ZNF112: variants seen among roughly 807,000 people sequenced by gnomAD.
ZNF112 encodes the protein zinc finger protein 112 (Y14).
A neutral mutation model predicts 77.7 loss-of-function variants in ZNF112; 37 were observed. That is an observed-to-expected ratio of 0.48 (90% CI 0.37 to 0.63). The LOEUF (loss-of-function observed/expected upper bound fraction) is 0.63. Ranked by LOEUF, ZNF112 falls within the 20% of genes least tolerant of loss-of-function variation. The pLI, the probability that ZNF112 is intolerant of heterozygous loss-of-function variation, is 0.00. For missense variants in ZNF112, 950 were observed against 1,077.4 expected, an observed-to-expected ratio of 0.88 and a Z score of 1.66; for synonymous variants, 333 against 363.6, an observed-to-expected ratio of 0.92 and a Z score of 0.96.
At chr19:44,336,432 G>A (rs962867576) in intron 3 of ZNF112, among the ~76,000 whole-genome samples, 191 bp downstream of exon 3, 2 of 152,198 alleles carry the variant, frequency 1.3e-5, no homozygotes, top group Non-Finnish European at 2.9e-5. Flanking sequence ...ACAATGGTAG[G>A]TGAATATGGA....
In ZNF112 at chr19:44,326,732, G is replaced by A. The variant is rs969762463; in HGVS notation, c.*701C>T. The A allele has an allele frequency of 2.0e-5, 3 of 152,084 alleles. No homozygotes were observed. The highest frequency in any genetic ancestry group is 4.4e-5 in the Non-Finnish European group (3 of 68,012). 9.4% of individuals were successfully genotyped at this position (152,084 alleles called of 1,614,324 possible). A position where few individuals can be genotyped will look rare whatever the true frequency, so the allele number is the denominator to read the frequency against. ...GAAACATTGTTTATCAGTTTGTACT[G>A]ATATTTCAAGTGCACACATGGGTAC... On this transcript the variant is annotated 3_prime_UTR_variant, in exon 4 of 4. Transcript: ENST00000354340.
upstream of ZNF112, among the ~76,000 whole-genome samples, chr19:44,361,432 T>C (rs1054202905): frequency 1.3e-5 from 2 of 152,280 alleles, no homozygotes; most frequent in Non-Finnish European, 2.9e-5. Context: ...CAACAAACTG[T>C]GGTGCATCAA....
upstream of ZNF112, among the ~76,000 whole-genome samples, chr19:44,359,416 C>T (rs1305707505): frequency 2.8e-5 from 4 of 142,338 alleles, no homozygotes; most frequent in African/African-American, 7.8e-5. Context: ...CTCTGCCTCT[C>T]GGCTTCAAGC....
At chr19:44,361,378 G>A (rs1300167665), upstream of ZNF112, among the ~76,000 whole-genome samples, 1 of 152,044 alleles carries the variant, frequency 6.6e-6, no homozygotes, top group Non-Finnish European at 1.5e-5. Flanking sequence ...ACACTTTTCT[G>A]AATGTGAGTG....
chr19:44,364,842 G>T (rs1289121755), intron 1 of ZNF112, among the ~76,000 whole-genome samples: 2 of 152,086 alleles, frequency 1.3e-5, no homozygotes, highest in African/African-American at 4.8e-5. Flanking sequence ...TTCCATAAGG[G>T]TCCCTGAACC....
chr19:44,337,414 A>AAAATATATATTATATATATTTTATATAT (rs1555803156), intron 2 of ZNF112, among the ~76,000 whole-genome samples: 5 of 27,542 alleles, frequency 1.8e-4, no homozygotes, highest in South Asian at 1.5e-3. Flanking sequence ...TTTTATATAT[A>AAAATATATATTATATATATTTTATATAT]ATAATATATA....
At chr19:44,359,698 A>C (rs987004244), upstream of ZNF112, among the ~76,000 whole-genome samples, 1 of 152,228 alleles carries the variant, frequency 6.6e-6, no homozygotes, top group African/African-American at 2.4e-5. Flanking sequence ...CAAATAATTG[A>C]TAAGGTTTCT....
At position 44,342,244 on chromosome 19, in the gene ZNF112, TA is replaced by T. The variant is rs1360146468; in HGVS notation, c.-3-1703del. ...ACTGAGAAGAATCTAGCTCTTCTTATATAAGAATCTAGCTCTTCTTGTACAA... is the reference window on the plus strand; with the variant it reads ...ACTGAGAAGAATCTAGCTCTTCTTATTAAGAATCTAGCTCTTCTTGTACAA... On this transcript the variant is annotated intron_variant, in intron 1 of 3. Transcript: ENST00000354340. Among the ~76,000 whole-genome samples the T allele has an allele frequency of 9.3e-5, 14 of 150,988 alleles. No homozygotes were observed. The South Asian group carries it at 2.1e-3, about 22-fold the overall frequency.
intron 3 of ZNF112, among the ~76,000 whole-genome samples, chr19:44,332,973 G>A (rs570025892): frequency 9.2e-5 from 14 of 152,086 alleles, no homozygotes; most frequent in Non-Finnish European, 2.1e-4. Flanking sequence ...AATATCAATG[G>A]TAGAATGGTA....
upstream of ZNF112, among the ~76,000 whole-genome samples, chr19:44,360,371 A>G (rs2123226936): frequency 7.3e-6 from 1 of 137,828 alleles, no homozygotes. Context: ...TAAAAGGGCA[A>G]CCTAGGTATC....
At chr19:44,362,396 A>T (rs1227481772) in intron 1 of ZNF112, among the ~76,000 whole-genome samples, 1 of 152,194 alleles carries the variant, frequency 6.6e-6, no homozygotes, top group African/African-American at 2.4e-5. Context: ...ATGAAAAAAT[A>T]AGCTTTGCAT....
chr19:44,347,716 T>C (rs1316479266), intron 1 of ZNF112, among the ~76,000 whole-genome samples: 3 of 152,040 alleles, frequency 2.0e-5, no homozygotes, highest in Admixed American at 1.3e-4. Flanking sequence ...TACTACTCTA[T>C]ATACACAAAA....
At chr19:44,337,660 T>C (rs1182227037) in intron 2 of ZNF112, among the ~76,000 whole-genome samples, 2 of 150,854 alleles carry the variant, frequency 1.3e-5, no homozygotes, top group South Asian at 4.2e-4. Context: ...ATGTTCTTCA[T>C]TCCCCACAGC....
intron 1 of ZNF112, chr19:44,343,169 CT>C (rs1970522435): frequency 1.4e-6 from 2 of 1,466,234 alleles, no homozygotes; most frequent in Non-Finnish European, 1.9e-6. Flanking sequence ...ATTCTTTACC[CT>C]TGGCAAAGAA....
chr19:44,331,410 A>G (rs1485524181), intron 3 of ZNF112, among the ~76,000 whole-genome samples: 1 of 152,232 alleles, frequency 6.6e-6, no homozygotes, highest in Non-Finnish European at 1.5e-5. Context: ...ATAGTTACCT[A>G]GTTATTAAAG....
At chr19:44,345,550 G>C (rs1422807803) in intron 1 of ZNF112, among the ~76,000 whole-genome samples, 3 of 152,190 alleles carry the variant, frequency 2.0e-5, no homozygotes, top group Non-Finnish European at 2.9e-5. Context: ...GAATTCAAAA[G>C]AAAAGGGAAT....
At position 44,329,890 on chromosome 19, in the gene ZNF112, T is replaced by C. The variant is rs1970238385; in HGVS notation, c.267A>G (p.Val89=). The part of the protein sequence containing the change: ...QKMESIQEVT[V]SYFSPKELSS... ...AAAGCTCTTTGGGGGAAAAGTAGCT[T>C]ACTGTTACTTCCTGAATACTCTCCA... The change falls in exon 4 of 4, where the codon GTA becomes GTG. Residue 89 remains valine (V), a synonymous_variant. Transcript: ENST00000354340. 1 of 1,613,842 alleles carries C rather than the reference T, an allele frequency of 6.2e-7. No individual in the cohort carries two copies. Among genetic ancestry groups the C allele is most frequent in the Non-Finnish European group, 8.5e-7 (1 of 1,179,970 alleles).
intron 1 of ZNF112, chr19:44,343,123 A>G: frequency 1.1e-6 from 1 of 932,118 alleles, no homozygotes; most frequent in Non-Finnish European, 1.6e-6. Flanking sequence ...AAAAAGCAAG[A>G]GCCTGATACA....
intron 1 of ZNF112, among the ~76,000 whole-genome samples, chr19:44,349,367 GA>G (rs58800072): frequency 0.055 from 8,281 of 149,420 alleles, 656 homozygotes; most frequent in African/African-American, 0.18. Flanking sequence ...CCAAACACAA[GA>G]AAAAAAAACA....
Sources: gnomAD v4.1 joint callset for allele counts (sites outside exome capture counted in the v4.1 genomes callset) on GRCh38, gnomAD v4.1.1 for gene constraint, MANE v1.5 for transcripts, NCBI Gene and HGNC (gene_info 2026-07-23, HGNC 2026-07-21) for gene names.